The following AHNAK variants were observed in gnomAD, a reference collection of about 807,000 sequenced individuals.
AHNAK encodes the protein AHNAK nucleoprotein, also known as neuroblast differentiation-associated protein AHNAK.
AHNAK carries 23 observed loss-of-function variants against 37.8 expected under a neutral mutation model. The observed-to-expected ratio is 0.61, with a 90% CI of 0.44 to 0.86. The LOEUF (loss-of-function observed/expected upper bound fraction) is 0.86, where lower values mean the gene tolerates loss of function less well. Ranked by LOEUF, AHNAK falls within the 40% of genes least tolerant of loss-of-function variation. AHNAK has a pLI of 0.00. For missense variants in AHNAK, 7,411 were observed against 7,319.4 expected (o/e 1.01, Z -0.46); for synonymous variants, 2,481 against 2,636.3 (o/e 0.94, Z 1.80).
chr11:62,481,330 C>A (rs997709751), intron 5 of AHNAK, among the ~76,000 whole-genome samples: 1 of 152,024 alleles, frequency 6.6e-6, no homozygotes, highest in African/African-American at 2.4e-5. Flanking sequence ...TGGTCCTGAA[C>A]TCCTGATCTC....
chr11:62,533,000 C>T lies in AHNAK; in HGVS notation c.1417G>A (p.Glu473Lys), dbSNP rs776563678. ...CCTTCCAGCCCACCAGTAGCAATCTCAGGCAGGCTGACATCCCCAGAGACC... is the reference window on the plus strand; with the variant it reads ...CCTTCCAGCCCACCAGTAGCAATCTTAGGCAGGCTGACATCCCCAGAGACC... ...PGVSGDVSLP[E>K]IATGGLEGKM... Residue 473 changes from glutamate (E) to lysine (K), a missense_variant, in exon 5 of 5, where the codon GAG becomes AAG. Glu to Lys is a moderately conservative substitution (Grantham distance 56). Transcript: ENST00000378024. 1 of 1,614,170 alleles carries T rather than the reference C, an allele frequency of 6.2e-7. No homozygotes were observed. The highest frequency in any genetic ancestry group is 2.2e-5 in the East Asian group (1 of 44,888).
chr11:62,480,219 G>A (rs548614837), intron 5 of AHNAK, among the ~76,000 whole-genome samples: 1 of 152,146 alleles, frequency 6.6e-6, no homozygotes, highest in Admixed American at 6.6e-5. Context: ...ATCTTGCCTC[G>A]GATCCTTTCT....
At chr11:62,542,518 T>C (rs1941161719) in intron 1 of AHNAK, among the ~76,000 whole-genome samples, 1 of 148,492 alleles carries the variant, frequency 6.7e-6, no homozygotes, top group Admixed American at 6.7e-5. Context: ...AGCCAGCTGG[T>C]TGCTTTCTGA....
intron 1 of AHNAK, among the ~76,000 whole-genome samples, chr11:62,540,450 C>A (rs1046227332): frequency 6.6e-6 from 1 of 152,028 alleles, no homozygotes; most frequent in Non-Finnish European, 1.5e-5. Context: ...GTGCTGGGAC[C>A]CTAGTCCCAG....
chr11:62,496,461 A>C (rs1939610174), intron 4 of AHNAK, among the ~76,000 whole-genome samples: 1 of 152,206 alleles, frequency 6.6e-6, no homozygotes, highest in Non-Finnish European at 1.5e-5. Context: ...GAAAATTCTC[A>C]GGGAGAAAAA....
rs771364122 is a variant in AHNAK at position 62,527,564 on chromosome 11, C to A, written c.6853G>T (p.Asp2285Tyr). ...CCTTCTGGACCTTCAAGGCTCACAT[C>A]TGGGACTTCAACATCCACCTTGGGT... ...SGPKVDVEVP[D>Y]VSLEGPEGKL... Residue 2285 changes from aspartate to tyrosine, a missense_variant, in exon 5 of 5, where the codon GAT becomes TAT. Asp to Tyr is a radical substitution (Grantham distance 160). Transcript: ENST00000378024. 6.2e-7 allele frequency: 1 copy of A among 1,612,520 alleles called. No homozygotes were observed. Among genetic ancestry groups the A allele is most frequent in the South Asian group, 1.1e-5 (1 of 90,988 alleles).
rs1460384508 is a variant in AHNAK, at chr11:62,520,031, C to T, written c.14386G>A (p.Glu4796Lys). 6.2e-7 allele frequency: 1 copy of T among 1,613,500 alleles called. No individual in the cohort carries two copies. The highest frequency in any genetic ancestry group is 1.3e-5 in the African/African-American group (1 of 74,678). The change falls in exon 5 of 5, where the codon GAA becomes AAA. Residue 4796 changes from glutamate (E) to lysine (K), a missense_variant. By Grantham distance (56) the Glu-to-Lys change is moderately conservative. Coordinates refer to ENST00000378024, the MANE Select transcript of AHNAK (RefSeq NM_001620.3). ...PKFSMPGFKG[E>K]GPDVDVSLPK... ...AGGCTCACATCCACATCTGGACCTT[C>T]TCCTTTGAAGCCAGGCATGCTGAAT...
chr11:62,454,506 A>C (rs1422555330), intron 5 of AHNAK, among the ~76,000 whole-genome samples: 1 of 152,110 alleles, frequency 6.6e-6, no homozygotes, highest in African/African-American at 2.4e-5. Flanking sequence ...ACAACACAAA[A>C]TGTGAATAAG....
rs780890079 is a variant in AHNAK at position 62,524,377 on chromosome 11, G to A, written c.10040C>T (p.Ser3347Leu). 3.1e-6 allele frequency: 5 copies of A among 1,612,950 alleles called. No individual in the cohort carries two copies. Among genetic ancestry groups the A allele is most frequent in the Non-Finnish European group, 4.2e-6 (5 of 1,179,768 alleles). The change falls in exon 5 of 5, where the codon TCA becomes TTA. Residue 3347 changes from serine (S) to leucine (L), a missense_variant. Ser to Leu is a moderately radical substitution (Grantham distance 145). Transcript: ENST00000378024. ...GGGAAGCTTAAAACGAGATTTCTTT[G>A]ACTTGCCTTCGATATTAAGCTTAGG... The part of the protein sequence containing the change: ...SGPKLNIEGK[S>L]KKSRFKLPKF...
At chr11:62,459,393 C>T (rs1306583825) in intron 5 of AHNAK, among the ~76,000 whole-genome samples, 1 of 152,184 alleles carries the variant, frequency 6.6e-6, no homozygotes, top group Non-Finnish European at 1.5e-5. Flanking sequence ...CCTTCAGCAT[C>T]AGAGGGTCAT....
chr11:62,520,904 G>A lies in AHNAK; in HGVS notation c.13513C>T (p.Pro4505Ser), dbSNP rs1940214056. The change falls in exon 5 of 5, where the codon CCC (proline) becomes TCC (serine). Residue 4505 changes from proline (P) to serine (S), a missense_variant. Physicochemically the swap from Pro to Ser is moderately conservative, Grantham distance 74. Transcript: ENST00000378024. ...IEGPEGKLKG[P>S]KFKMPDVHFK... ...TGTACATCAGGCATCTTAAACTTGG[G>A]ACCTTTGAGCTTCCCTTCAGGACCT... is the stretch of plus-strand genomic sequence containing the variant. 1.9e-6 allele frequency: 3 copies of A among 1,614,126 alleles called. No individual in the cohort carries two copies. Among genetic ancestry groups the A allele is most frequent in the Non-Finnish European group, 2.5e-6 (3 of 1,180,036 alleles).
At chr11:62,438,362 T>C (rs1938225478) in intron 5 of AHNAK, among the ~76,000 whole-genome samples, 1 of 152,046 alleles carries the variant, frequency 6.6e-6, no homozygotes, top group Non-Finnish European at 1.5e-5. Context: ...TTTGTATTTT[T>C]AGTAGAGACA....
At chr11:62,493,332 CTTTTTT>C (rs538984724) in intron 4 of AHNAK, among the ~76,000 whole-genome samples, 11 of 122,918 alleles carry the variant, frequency 8.9e-5, no homozygotes, top group Middle Eastern at 5.2e-3. Flanking sequence ...TTCTTTCTTT[CTTTTTT>C]TTTTTTTTTT....
rs1304717461 is a variant in AHNAK at position 62,533,946 on chromosome 11, G to T, written c.471C>A (p.Val157=). ...QSRTITVTRR[V]TAYTVDVTGR... ...CAGTCACATCCACAGTGTAGGCCGT[G>T]ACCCTTCTGGTCACTGTGATGGTAC... Residue 157 remains valine (V), a synonymous_variant, in exon 5 of 5, where the codon GTC becomes GTA. Coordinates refer to ENST00000378024, the MANE Select transcript of AHNAK (RefSeq NM_001620.3). 7 of 1,614,016 alleles carry T rather than the reference G, an allele frequency of 4.3e-6. No individual in the cohort carries two copies. The highest frequency in any genetic ancestry group is 1.7e-5 in the Admixed American group (1 of 60,008).
intron 5 of AHNAK, among the ~76,000 whole-genome samples, chr11:62,443,302 C>T (rs1855979841): frequency 1.1e-5 from 1 of 93,398 alleles, no homozygotes; most frequent in South Asian, 4.1e-4. Context: ...GACAGAGTTT[C>T]GCTGTTATTG....
Position 62,527,644 on chromosome 11 carries a change from C to T in AHNAK, c.6773G>A (p.Gly2258Glu). 3 of 1,613,358 alleles carry T rather than the reference C, an allele frequency of 1.9e-6. No individual in the cohort carries two copies. The highest frequency in any genetic ancestry group is 2.5e-6 in the Non-Finnish European group (3 of 1,179,776). ...GTTCACATCCACTTCTGGGCCCTCTCCTTTGAAGCCAGGCATGCTGAACTT... is the reference window on the plus strand; with the variant it reads ...GTTCACATCCACTTCTGGGCCCTCTTCTTTGAAGCCAGGCATGCTGAACTT... ...MPKFSMPGFK[G>E]EGPEVDVNLP... The change falls in exon 5 of 5, where the codon GGA (glycine) becomes GAA (glutamate). Residue 2258 changes from glycine to glutamate, a missense_variant. Coordinates refer to ENST00000378024, the MANE Select transcript of AHNAK (RefSeq NM_001620.3).
intron 4 of AHNAK, among the ~76,000 whole-genome samples, chr11:62,502,475 G>T (rs915133055): frequency 1.3e-5 from 2 of 152,208 alleles, no homozygotes; most frequent in Non-Finnish European, 2.9e-5. Flanking sequence ...CTGAGGGGAA[G>T]TGTATGAAGT....
chr11:62,503,849 A>C (rs1026501764), intron 4 of AHNAK, among the ~76,000 whole-genome samples: 12 of 152,100 alleles, frequency 7.9e-5, no homozygotes. Context: ...TCAGTTTAAA[A>C]AATAACTTCT....
Position 62,447,179 on chromosome 11 carries a change from A to G in AHNAK, c.443-13288T>C, listed in dbSNP as rs371237464. Among the ~76,000 whole-genome samples the G allele has an allele frequency of 4.0e-4, 61 of 152,226 alleles. No individual in the cohort carries two copies. In the South Asian group the frequency reaches 9.6e-3, roughly 24 times the overall value. ...CCCAGCAGAAAAACTCTTCCTTATGAAATGTGCTAATGGCAAGCGCTATTC... is the reference window on the plus strand; with the variant it reads ...CCCAGCAGAAAAACTCTTCCTTATGGAATGTGCTAATGGCAAGCGCTATTC... On this transcript the variant is annotated intron_variant, in intron 5 of 5. Coordinates refer to the AHNAK transcript ENST00000257247.
Sources: allele counts gnomAD v4.1 joint callset (sites outside exome capture counted in the v4.1 genomes callset), GRCh38; gene constraint gnomAD v4.1.1; transcripts MANE v1.5; gene names NCBI Gene and HGNC (gene_info 2026-07-23, HGNC 2026-07-21).